Variants in GRAMD4 observed in about 807,000 individuals in gnomAD.
The protein encoded by GRAMD4 is GRAM domain-containing protein 4.
A neutral mutation model predicts 83.9 loss-of-function variants in GRAMD4; 25 were observed. The observed-to-expected ratio is 0.30, with a 90% CI of 0.22 to 0.42. GRAMD4 has a LOEUF of 0.42. Ranked by LOEUF, GRAMD4 falls within the 10% of genes least tolerant of loss-of-function variation. The probability of loss-of-function intolerance (pLI) is 1.00; values close to 1 mark genes in which losing one functional copy is unlikely to be tolerated. For missense variants in GRAMD4, 593 were observed against 788.7 expected (o/e 0.75, Z 2.97); for synonymous variants, 336 against 320.9 (o/e 1.05, Z -0.50).
Position 46,679,064 on chromosome 22 carries a change from C to T in GRAMD4, c.*1813C>T, listed in dbSNP as rs2082639630. 2 of 985,654 alleles carry T rather than the reference C, an allele frequency of 2.0e-6. No homozygotes were observed. Among genetic ancestry groups the T allele is most frequent in the Non-Finnish European group, 2.4e-6 (2 of 829,996 alleles). 61.1% of individuals were successfully genotyped at this position (985,654 alleles called of 1,614,324 possible). A position where few individuals can be genotyped will look rare whatever the true frequency, so the allele number is the denominator to read the frequency against. ...ATCCCAGTGAACCCCACCTTGGCGCCTGAGGCAACACAGGGTGGGCACTGA... is the reference window on the plus strand; with the variant it reads ...ATCCCAGTGAACCCCACCTTGGCGCTTGAGGCAACACAGGGTGGGCACTGA... On this transcript the variant is annotated 3_prime_UTR_variant, in exon 19 of 19. Transcript: ENST00000406902.
At chr22:46,673,125 T>A in intron 14 of GRAMD4, 128 bp downstream of exon 14, 1 of 774,738 alleles carries the variant, frequency 1.3e-6, no homozygotes, top group Non-Finnish European at 2.0e-6. Flanking sequence ...ATAGACTCCT[T>A]AAACTTGAGG....
intron 1 of GRAMD4, among the ~76,000 whole-genome samples, chr22:46,584,658 G>A (rs1019643650): frequency 3.3e-5 from 5 of 152,174 alleles, no homozygotes; most frequent in Non-Finnish European, 7.3e-5. Context: ...CTCCCGGTAT[G>A]CTGCCGCAGC....
intron 3 of GRAMD4, among the ~76,000 whole-genome samples, chr22:46,644,482 T>C (rs951339084): frequency 1.3e-5 from 2 of 152,124 alleles, no homozygotes; most frequent in Non-Finnish European, 2.9e-5. Context: ...CCGTTGCAGG[T>C]TACACCTGTC....
At chr22:46,630,318 G>A (rs2081748580) in intron 2 of GRAMD4, among the ~76,000 whole-genome samples, 1 of 152,168 alleles carries the variant, frequency 6.6e-6, no homozygotes, top group Admixed American at 6.5e-5. Flanking sequence ...GAGCCACCGC[G>A]CCCGACCTGT....
At chr22:46,642,623 A>G (rs1056543090) in intron 3 of GRAMD4, among the ~76,000 whole-genome samples, 2 of 152,204 alleles carry the variant, frequency 1.3e-5, no homozygotes, top group Admixed American at 6.5e-5. Flanking sequence ...CCCACTAGAA[A>G]GGTACAGATT....
chr22:46,598,037 A>C (rs1017975927), intron 1 of GRAMD4, among the ~76,000 whole-genome samples: 2 of 152,082 alleles, frequency 1.3e-5, no homozygotes, highest in African/African-American at 2.4e-5. Context: ...GCTGGAGTGC[A>C]GTGGCACAAT....
At position 46,597,425 on chromosome 22, in the gene GRAMD4, C is replaced by T. The variant is rs145101755; in HGVS notation, c.-50+20135C>T. Among the ~76,000 whole-genome samples the T allele has an allele frequency of 5.4e-3, 825 of 152,286 alleles. 7 individuals carry two copies. Among genetic ancestry groups the T allele is most frequent in the Middle Eastern group, 0.037 (11 of 294 alleles). On this transcript the variant is annotated intron_variant, in intron 1 of 1. Coordinates refer to the GRAMD4 transcript ENST00000431155. ...CTTCTTTGGGTGGTAGTTACCTCTC[C>T]TTCTCTCTCTCTTGCTCAAGTTTCA...
intron 1 of GRAMD4, among the ~76,000 whole-genome samples, chr22:46,600,659 G>A (rs374339943): frequency 2.6e-5 from 4 of 152,312 alleles, no homozygotes; most frequent in South Asian, 4.1e-4. Context: ...GCTAAGCCCC[G>A]GTCGCAGAGC....
chr22:46,618,957 G>A (rs890536572), upstream of GRAMD4, among the ~76,000 whole-genome samples: 8 of 152,174 alleles, frequency 5.3e-5, no homozygotes, highest in Admixed American at 1.3e-4. The surrounding 1 kb of genome is among the most constrained non-coding windows in gnomAD (Gnocchi z 5.8). Flanking sequence ...TGAGCTGTCC[G>A]GCTTGGAGCC....
intron 2 of GRAMD4, 62 bp downstream of exon 2, chr22:46,627,023 G>A: frequency 8.4e-7 from 1 of 1,192,134 alleles, no homozygotes. Context: ...TCTGTGGCCG[G>A]GCCAAGCGTG....
intron 3 of GRAMD4, among the ~76,000 whole-genome samples, chr22:46,639,151 TGA>T (rs1326350380): frequency 9.2e-6 from 1 of 108,212 alleles, no homozygotes; most frequent in Non-Finnish European, 1.9e-5. Flanking sequence ...GGTGTGTGCG[TGA>T]GTGTGTGTGT....
chr22:46,650,195 C>G (rs1236946955), intron 3 of GRAMD4, among the ~76,000 whole-genome samples: 2 of 152,190 alleles, frequency 1.3e-5, no homozygotes, highest in African/African-American at 4.8e-5. Context: ...GAGGCTGGGC[C>G]TGTTGAATCA....
chr22:46,631,133 C>G (rs1286880519), intron 2 of GRAMD4, among the ~76,000 whole-genome samples: 1 of 152,246 alleles, frequency 6.6e-6, no homozygotes, highest in African/African-American at 2.4e-5. Context: ...AGGCTTCATT[C>G]TTTTTATTTG....
Position 46,676,611 on chromosome 22 carries a change from G to A in GRAMD4, c.1575G>A (p.Leu525=), listed in dbSNP as rs1436652013. ...DITDIQKYKV[L]SVLPGSGMGI... ...GCTTTGCCTTTCAGTACAAGGTCCT[G>A]TCTGTCCTCCCAGGCTCAGGCATGG... Residue 525 remains leucine (L), a synonymous_variant, in exon 18 of 19, where the codon CTG becomes CTA. Coordinates refer to ENST00000406902, the MANE Select transcript of GRAMD4 (RefSeq NM_015124.5). 1 of 1,549,416 alleles carries A rather than the reference G, an allele frequency of 6.5e-7. No individual in the cohort carries two copies. The highest frequency in any genetic ancestry group is 2.0e-5 in the Admixed American group (1 of 51,014).
intron 5 of GRAMD4, among the ~76,000 whole-genome samples, chr22:46,662,069 A>G (rs185794541): frequency 6.6e-6 from 1 of 152,346 alleles, no homozygotes; most frequent in East Asian, 1.9e-4. Flanking sequence ...CAGTCCATAA[A>G]TAAAGTCCAT....
At chr22:46,595,360 T>A (rs892069478) in intron 1 of GRAMD4, among the ~76,000 whole-genome samples, 1 of 152,164 alleles carries the variant, frequency 6.6e-6, no homozygotes, top group Admixed American at 6.5e-5. Flanking sequence ...TCTTCCGACT[T>A]TATTTTCCTG....
At chr22:46,616,617 T>C (rs1397563944), upstream of GRAMD4, among the ~76,000 whole-genome samples, 5 of 132,140 alleles carry the variant, frequency 3.8e-5, no homozygotes, top group East Asian at 5.2e-4. Flanking sequence ...TTCCCCTGTG[T>C]GTGTAGGTTC....
intron 2 of GRAMD4, among the ~76,000 whole-genome samples, chr22:46,628,878 G>T (rs1416332188): frequency 6.6e-6 from 1 of 152,134 alleles, no homozygotes; most frequent in African/African-American, 2.4e-5. Flanking sequence ...GTGGCAGAGG[G>T]TATGGCGCTA....
chr22:46,648,955 G>T (rs938839142), intron 3 of GRAMD4, among the ~76,000 whole-genome samples: 2 of 149,854 alleles, frequency 1.3e-5, no homozygotes, highest in African/African-American at 2.5e-5. Context: ...TGGATGGATG[G>T]ATGGATGGAT....
Sources: allele counts gnomAD v4.1 joint callset (sites outside exome capture counted in the v4.1 genomes callset), GRCh38; gene constraint gnomAD v4.1.1; non-coding constraint Gnocchi (gnomAD v3.1); transcripts MANE v1.5; gene names NCBI Gene and HGNC (gene_info 2026-07-23, HGNC 2026-07-21).